The following VRK3 variants were observed in gnomAD, a reference collection of about 807,000 sequenced individuals.
The protein encoded by VRK3 is serine/threonine-protein kinase VRK3.
A neutral mutation model predicts 60.4 loss-of-function variants in VRK3; 50 were observed. The ratio of observed to expected loss-of-function variants is 0.83; its 90% CI spans 0.66 to 1.05. The LOEUF (loss-of-function observed/expected upper bound fraction) is 1.05, where lower values mean the gene tolerates loss of function less well. Among genes scored for constraint, VRK3 ranks in the 50% least tolerant of loss-of-function variants. The pLI, the probability that VRK3 is intolerant of heterozygous loss-of-function variation, is 0.00. For missense variants in VRK3, 549 were observed against 585.3 expected (o/e 0.94, Z 0.64); for synonymous variants, 246 against 227.8 (o/e 1.08, Z -0.72).
chr19:50,023,462 C>T (rs1042369839), intron 1 of VRK3, among the ~76,000 whole-genome samples: 19 of 152,166 alleles, frequency 1.2e-4, no homozygotes, highest in Non-Finnish European at 2.2e-4. Context: ...ATTACAGGCT[C>T]GAGCCACCGT....
intron 12 of VRK3, among the ~76,000 whole-genome samples, chr19:49,984,672 G>A (rs2076482595): frequency 6.6e-6 from 1 of 151,982 alleles, no homozygotes; most frequent in Non-Finnish European, 1.5e-5. Flanking sequence ...TCACTATGTT[G>A]CCCAGGCTGG....
rs2076956769 is a variant in VRK3, at chr19:50,009,341, T to C, written c.184A>G (p.Lys62Glu). 2 of 1,614,056 alleles carry C rather than the reference T, an allele frequency of 1.2e-6. No individual in the cohort carries two copies. The highest frequency in any genetic ancestry group is 1.3e-5 in the African/African-American group (1 of 75,022). ...LNSSFETSPK[K>E]VKWSSTVTSP... ...GTGACGGTGCTGGACCATTTCACTT[T>C]CTTAGGAGAGGTTTCAAAACTGGAG... The change falls in exon 4 of 15, where the codon AAA (lysine) becomes GAA (glutamate). Residue 62 changes from lysine (K) to glutamate (E), a missense_variant. Coordinates refer to ENST00000316763, the MANE Select transcript of VRK3 (RefSeq NM_016440.4).
chr19:49,978,939 G>A (rs2076375893), intron 14 of VRK3, 144 bp downstream of exon 14: 6 of 808,072 alleles, frequency 7.4e-6, no homozygotes, highest in Admixed American at 3.3e-5. Context: ...TTCAAGGACC[G>A]TGCGGAAAAA....
intron 7 of VRK3, among the ~76,000 whole-genome samples, chr19:49,995,974 A>G (rs895862236): frequency 6.7e-5 from 10 of 150,192 alleles, no homozygotes; most frequent in Admixed American, 2.0e-4. Flanking sequence ...CAGGCTGGAG[A>G]GCAGTGGCGT....
chr19:49,991,088 T>C (rs2076602989), intron 10 of VRK3, among the ~76,000 whole-genome samples: 3 of 152,222 alleles, frequency 2.0e-5, no homozygotes, highest in African/African-American at 7.2e-5. Context: ...CCACTGGGCC[T>C]GGCCATGATG....
At chr19:50,001,836 T>C (rs2076812245) in intron 5 of VRK3, among the ~76,000 whole-genome samples, 1 of 152,060 alleles carries the variant, frequency 6.6e-6, no homozygotes, top group South Asian at 2.1e-4. Flanking sequence ...GTCTGTAAGA[T>C]GGGAGCAGTA....
intron 5 of VRK3, chr19:50,001,337 C>T (rs77580056): frequency 0.012 from 1,864 of 158,642 alleles, 87 homozygotes; most frequent in East Asian, 0.12. Context: ...TGTACTGTCA[C>T]AGCCTGTGGC....
chr19:49,994,336 C>T (rs2076663907), intron 9 of VRK3, among the ~76,000 whole-genome samples: 1 of 152,176 alleles, frequency 6.6e-6, no homozygotes, highest in Non-Finnish European at 1.5e-5. Context: ...CACCCAGCCC[C>T]GGGGACAGCG....
chr19:50,007,912 T>C, intron 4 of VRK3, 86 bp from the exon 5 acceptor site: 1 of 1,559,544 alleles, frequency 6.4e-7, no homozygotes, highest in Non-Finnish European at 8.7e-7. Context: ...AAAATACTGT[T>C]CCTTTACAAA....
At chr19:50,011,965 C>T (rs2077001499) in intron 3 of VRK3, among the ~76,000 whole-genome samples, 1 of 144,678 alleles carries the variant, frequency 6.9e-6, no homozygotes, top group African/African-American at 2.6e-5. Context: ...TCCCACCTTG[C>T]TCATTCTTTT....
intron 12 of VRK3, chr19:49,982,051 GCTGCATAACGGAGATAT>G: frequency 2.9e-6 from 2 of 687,036 alleles, no homozygotes; most frequent in Admixed American, 4.1e-5. Flanking sequence ...CCCGGAGGCG[GCTGCATAACGGAGATAT>G]CTGGGTCAAC....
At chr19:50,004,322 T>C (rs1032514877) in intron 5 of VRK3, among the ~76,000 whole-genome samples, 3 of 151,806 alleles carry the variant, frequency 2.0e-5, no homozygotes, top group African/African-American at 7.3e-5. Flanking sequence ...CCTCAATCTC[T>C]TTCTTACTGT....
At chr19:49,985,065 C>T (rs2076488943) in intron 12 of VRK3, among the ~76,000 whole-genome samples, 1 of 152,124 alleles carries the variant, frequency 6.6e-6, no homozygotes, top group South Asian at 2.1e-4. Context: ...AGTGAACCCT[C>T]CCTCATGGAA....
chr19:50,019,642 TG>T (rs1345009773), intron 2 of VRK3, among the ~76,000 whole-genome samples: 1 of 142,830 alleles, frequency 7.0e-6, no homozygotes, highest in Non-Finnish European at 1.5e-5. Flanking sequence ...CCCAAGTATC[TG>T]GGACTACAGG....
intron 12 of VRK3, 144 bp downstream of exon 12, chr19:49,988,228 A>G (rs1448840198): frequency 7.6e-7 from 1 of 1,309,954 alleles, no homozygotes; most frequent in East Asian, 2.7e-5. Flanking sequence ...ACACTGCAGC[A>G]CATGCCTGTG....
intron 2 of VRK3, among the ~76,000 whole-genome samples, chr19:50,018,379 C>T (rs12460935): frequency 0.13 from 19,065 of 152,166 alleles, 1,370 homozygotes; most frequent in East Asian, 0.33. Context: ...TGTCTATTTC[C>T]TCTAGGTACT....
intron 2 of VRK3, among the ~76,000 whole-genome samples, chr19:50,017,395 A>G (rs186423064): frequency 6.4e-4 from 97 of 151,606 alleles, no homozygotes; most frequent in African/African-American, 2.2e-3. Flanking sequence ...ACCAACATGG[A>G]GAAACCCCGT....
In VRK3 at chr19:49,988,453, C is replaced by G. The variant is rs982543423; in HGVS notation, c.1136G>C (p.Cys379Ser). Residue 379 changes from cysteine to serine, a missense_variant, in exon 12 of 15, where the codon TGC becomes TCC. Cys to Ser is a moderately radical substitution (Grantham distance 112). Transcript: ENST00000316763. ...RRSDLQSLGY[C>S]MLKWLYGFLP... Reference sequence around the variant, plus strand: ...AAACCCGTAGAGCCACTTCAGCATGCAGTAGCCCAGGCTCTGGAGGTCGCT... The same window carrying G: ...AAACCCGTAGAGCCACTTCAGCATGGAGTAGCCCAGGCTCTGGAGGTCGCT... 1.2e-6 allele frequency: 2 copies of G among 1,613,498 alleles called. No individual in the cohort carries two copies. Among genetic ancestry groups the G allele is most frequent in the Non-Finnish European group, 1.7e-6 (2 of 1,179,686 alleles).
Position 50,016,054 on chromosome 19 carries a change from A to C in VRK3, c.109T>G (p.Phe37Val). Residue 37 changes from phenylalanine to valine, a missense_variant, in exon 3 of 15, where the codon TTT (phenylalanine) becomes GTT (valine). Coordinates refer to ENST00000316763, the MANE Select transcript of VRK3 (RefSeq NM_016440.4). The stretch of plus-strand genomic sequence containing the variant: ...AAGGATGACACATGTGGATTGACAA[A>C]GGTCTGGGACCCTACATGCTCCTCT... ...PVEEHVGSQT[F>V]VNPHVSSFQG... 1 of 1,614,226 alleles carries C rather than the reference A, an allele frequency of 6.2e-7. No homozygotes were observed. Among genetic ancestry groups the C allele is most frequent in the East Asian group, 2.2e-5 (1 of 44,892 alleles).
Sources: gnomAD v4.1 joint callset for allele counts (sites outside exome capture counted in the v4.1 genomes callset) on GRCh38, gnomAD v4.1.1 for gene constraint, MANE v1.5 for transcripts, NCBI Gene and HGNC (gene_info 2026-07-23, HGNC 2026-07-21) for gene names.